Variants in MSH6 observed in about 807,000 individuals in gnomAD.
MSH6 encodes DNA mismatch repair protein Msh6.
MSH6 carries 85 observed loss-of-function variants against 119.1 expected under a neutral mutation model. The ratio of observed to expected loss-of-function variants is 0.71; its 90% CI spans 0.60 to 0.85. MSH6 has a LOEUF of 0.85. MSH6 is among the 40% of genes least tolerant of loss of function. The pLI, the probability that MSH6 is intolerant of heterozygous loss-of-function variation, is 0.00. For synonymous variants in MSH6, 830 were observed against 586.9 expected, an observed-to-expected ratio of 1.41 and a Z score of -5.99; for missense variants, 2,163 against 1,655.3, an observed-to-expected ratio of 1.31 and a Z score of -5.32.
In MSH6 at chr2:47,785,266, C is replaced by T. The variant is rs1173567610; in HGVS notation, c.260+1773C>T. On this transcript the variant is annotated intron_variant, in intron 1 of 9. Coordinates refer to ENST00000234420, the MANE Select transcript of MSH6 (RefSeq NM_000179.3). ...GTTTTGAAATGGAGTCTCGCTCTGT[C>T]GCCCAGGCTGGAGTGCTGTGGCGCT... Among the ~76,000 whole-genome samples the T allele has an allele frequency of 2.6e-5, 4 of 151,298 alleles. No homozygotes were observed. The East Asian group carries it at 7.9e-4, about 30-fold the overall frequency.
intron 1 of MSH6, chr2:47,784,395 G>A (rs1668217369): frequency 6.6e-6 from 2 of 302,668 alleles, no homozygotes; most frequent in Non-Finnish European, 4.8e-6. Context: ...GGACAAAGAT[G>A]TGTGGACGTG....
chr2:47,807,141 A>G (rs1670267198), downstream of MSH6: 2 of 406,606 alleles, frequency 4.9e-6, no homozygotes, highest in Non-Finnish European at 8.9e-6. Context: ...ATGAAACTGT[A>G]TAGGGCTGTA....
At position 47,796,055 on chromosome 2, in the gene MSH6, G is replaced by A. The variant is rs1322095633; in HGVS notation, c.619G>A (p.Glu207Lys). 2 of 1,614,174 alleles carry A rather than the reference G, an allele frequency of 1.2e-6. No homozygotes were observed. The highest frequency in any genetic ancestry group is 3.3e-5 in the Admixed American group (2 of 60,014). ...GCCCTCAGAGCCAGAAGAGGAAGAA[G>A]AGATGGAGGTGGGACACGGCAAGCA... ...DEPSEPEEEE[E>K]MEVGTTYVTD... The change falls in exon 3 of 10, where the codon GAG (glutamate) becomes AAG (lysine). Residue 207 changes from glutamate (E) to lysine (K), a missense_variant. Glu to Lys is a moderately conservative substitution (Grantham distance 56). Coordinates refer to ENST00000234420, the MANE Select transcript of MSH6 (RefSeq NM_000179.3).
At chr2:47,798,537 A>G (rs551670937) in intron 3 of MSH6, 74 bp from the exon 4 acceptor site, 54 of 1,524,696 alleles carry the variant, frequency 3.5e-5, no homozygotes, top group Admixed American at 5.2e-5. Flanking sequence ...TCAAAAAATC[A>G]TAAGTTGAAC....
chr2:47,809,259 TTTG>T, downstream of MSH6: 3 of 1,564,414 alleles, frequency 1.9e-6, no homozygotes, highest in Non-Finnish European at 1.7e-6. Context: ...TGTTCATTAT[TTTG>T]TTATCTGTAA....
chr2:47,809,302 G>A (rs200189874), downstream of MSH6: 2 of 1,336,020 alleles, frequency 1.5e-6, no homozygotes, highest in African/African-American at 1.5e-5. Flanking sequence ...AAATTCAGAG[G>A]AATGTTAATA....
rs786201050 is a variant in MSH6 at position 47,800,211 on chromosome 2, T to TG, written c.2230dup (p.Glu744GlyfsTer12). The TG allele has an allele frequency of 2.5e-6, 4 of 1,614,064 alleles. No homozygotes were observed. The highest frequency in any genetic ancestry group is 3.4e-6 in the Non-Finnish European group (4 of 1,180,036). ...CTAGATGCAGTGACATTAAACAACTTGGAGATTTTTCTGAATGGAACAAAT... is the reference window on the plus strand; with the variant it reads ...CTAGATGCAGTGACATTAAACAACTTGGGAGATTTTTCTGAATGGAACAAAT... On this transcript the variant is annotated frameshift_variant, in exon 4 of 10. Coordinates refer to ENST00000234420, the MANE Select transcript of MSH6 (RefSeq NM_000179.3). LOFTEE classifies it high-confidence loss of function.
downstream of MSH6, chr2:47,809,737 C>A (rs543514855): frequency 6.9e-7 from 1 of 1,440,246 alleles, no homozygotes; most frequent in South Asian, 1.1e-5. Context: ...CAAGTAGATA[C>A]ATCACTTTAT....
chr2:47,793,243 T>A (rs3136292), intron 2 of MSH6, among the ~76,000 whole-genome samples: 4 of 141,726 alleles, frequency 2.8e-5, no homozygotes, highest in Non-Finnish European at 6.0e-5. Context: ...ATCGCTTGAA[T>A]CTAGGAGGCG....
chr2:47,808,844 G>C (rs1260803848), downstream of MSH6: 5 of 267,832 alleles, frequency 1.9e-5, no homozygotes, highest in Non-Finnish European at 3.5e-5. Context: ...TGTAGCATTA[G>C]GTTTTTCCAT....
Position 47,787,316 on chromosome 2 carries a change from A to G in MSH6, c.261-3611A>G, listed in dbSNP as rs528466684. Reference sequence around the variant, plus strand: ...CAAAAAATAAAATAAAAGTTGGTGAAAATGTTGATTATATATTTTAGGAAC... The same window carrying G: ...CAAAAAATAAAATAAAAGTTGGTGAGAATGTTGATTATATATTTTAGGAAC... On this transcript the variant is annotated intron_variant, in intron 1 of 9. Transcript: ENST00000234420. 9.1e-4 allele frequency among the ~76,000 whole-genome samples: 139 copies of G among 152,322 alleles called. 1 individual carries two copies. Among genetic ancestry groups the G allele is most frequent in the Middle Eastern group, 6.8e-3 (2 of 294 alleles).
Position 47,806,446 on chromosome 2 carries a change from C to G in MSH6, c.3802-6C>G, listed in dbSNP as rs754630269. On this transcript the variant is annotated splice_region_variant and splice_polypyrimidine_tract_variant and intron_variant, in intron 8 of 9. Coordinates refer to ENST00000234420, the MANE Select transcript of MSH6 (RefSeq NM_000179.3). Reference sequence around the variant, plus strand: ...ACATGTATCGCTAATATTTTTCTTTCTTAAGGCATGCATGGTAGAAAATGA... The same window carrying G: ...ACATGTATCGCTAATATTTTTCTTTGTTAAGGCATGCATGGTAGAAAATGA... The G allele has an allele frequency of 6.2e-7, 1 of 1,613,818 alleles. No homozygotes were observed. Among genetic ancestry groups the G allele is most frequent in the Admixed American group, 1.7e-5 (1 of 59,966 alleles).
chr2:47,802,869 CTAAG>C (rs1209429131), intron 4 of MSH6, among the ~76,000 whole-genome samples: 4 of 152,196 alleles, frequency 2.6e-5, no homozygotes, highest in African/African-American at 9.6e-5. Flanking sequence ...GCACATTCTG[CTAAG>C]TAAGAGGCTT....
At chr2:47,796,085 G>C (rs1394028785) in intron 3 of MSH6, 22 bp downstream of exon 3, 3 of 1,612,966 alleles carry the variant, frequency 1.9e-6, no homozygotes, top group Non-Finnish European at 8.5e-7. Context: ...CAAGCATTCA[G>C]TTGTTATTTA....
At chr2:47,808,740 CTG>C (rs1262465585), downstream of MSH6, 1 of 320,160 alleles carries the variant, frequency 3.1e-6, no homozygotes, top group East Asian at 5.5e-5. Flanking sequence ...GTCACAGTGA[CTG>C]GGATATATCA....
rs1248077316 is a variant in MSH6 at position 47,783,998 on chromosome 2, G to A, written c.260+505G>A. The A allele has an allele frequency of 1.6e-5, 16 of 1,029,688 alleles. No individual in the cohort carries two copies. In the South Asian group the frequency reaches 4.1e-4, roughly 27 times the overall value. The allele number at this position is 1,029,688 out of a possible 1,614,324, so 63.8% of individuals were successfully genotyped here. On this transcript the variant is annotated intron_variant, in intron 1 of 9. Coordinates refer to ENST00000234420, the MANE Select transcript of MSH6 (RefSeq NM_000179.3). ...TGCGAAAGGAGGTTCCTCGGCCGGCGCGGAGATAGTGAGTTGGGGCTCCAG... is the reference window on the plus strand; with the variant it reads ...TGCGAAAGGAGGTTCCTCGGCCGGCACGGAGATAGTGAGTTGGGGCTCCAG...
At position 47,800,290 on chromosome 2, in the gene MSH6, T is replaced by C. The variant is rs1276975746; in HGVS notation, c.2307T>C (p.Phe769=). 3.7e-6 allele frequency: 6 copies of C among 1,614,086 alleles called. No homozygotes were observed. Among genetic ancestry groups the C allele is most frequent in the Non-Finnish European group, 5.1e-6 (6 of 1,180,042 alleles). ...GGGTTGATACTTGCCATACTCCTTTTGGTAAGCGGCTCCTAAAGCAATGGC... is the reference window on the plus strand; with the variant it reads ...GGGTTGATACTTGCCATACTCCTTTCGGTAAGCGGCTCCTAAAGCAATGGC... ...LERVDTCHTP[F]GKRLLKQWLC... Residue 769 remains phenylalanine (F), a synonymous_variant, in exon 4 of 10, where the codon TTT becomes TTC. Transcript: ENST00000234420.
chr2:47,808,872 T>C (rs1037390767), downstream of MSH6: 2 of 294,758 alleles, frequency 6.8e-6, no homozygotes, highest in Non-Finnish European at 1.2e-5. Context: ...GTCTTTGTTT[T>C]GTTTTGTAGA....
At chr2:47,791,907 C>T (rs924352995) in intron 2 of MSH6, among the ~76,000 whole-genome samples, 8 of 151,844 alleles carry the variant, frequency 5.3e-5, no homozygotes, top group African/African-American at 1.5e-4. Context: ...AGTGCAATGG[C>T]GCAATCTCAG....
Sources: gnomAD v4.1 joint callset for allele counts (sites outside exome capture counted in the v4.1 genomes callset) on GRCh38, gnomAD v4.1.1 for gene constraint, MANE v1.5 for transcripts, NCBI Gene and HGNC (gene_info 2026-07-23, HGNC 2026-07-21) for gene names.